The following NTM variants were observed in gnomAD, a reference collection of about 807,000 sequenced individuals.
NTM encodes IgLON family member 2.
A neutral mutation model predicts 42.1 loss-of-function variants in NTM; 13 were observed. The ratio of observed to expected loss-of-function variants is 0.31; its 90% CI spans 0.20 to 0.49. NTM has a LOEUF of 0.49. Ranked by LOEUF, NTM falls within the 20% of genes least tolerant of loss-of-function variation. The pLI is 0.99. For synonymous variants in NTM, 187 were observed against 179.2 expected (o/e 1.04, Z -0.35); for missense variants, 373 against 452.8 (o/e 0.82, Z 1.60).
At chr11:131,437,358 C>T (rs1474627655) in intron 1 of NTM, among the ~76,000 whole-genome samples, 1 of 151,968 alleles carries the variant, frequency 6.6e-6, no homozygotes, top group Non-Finnish European at 1.5e-5. Context: ...TCTGTCTCGT[C>T]GGTCTGTCTA....
intron 1 of NTM, among the ~76,000 whole-genome samples, chr11:131,570,062 C>T (rs769545601): frequency 3.9e-5 from 6 of 152,218 alleles, no homozygotes; most frequent in Admixed American, 3.9e-4. Flanking sequence ...GCATTCTTCC[C>T]AGATATCATT....
chr11:131,487,361 C>T (rs1437245014), intron 1 of NTM, among the ~76,000 whole-genome samples: 1 of 152,110 alleles, frequency 6.6e-6, no homozygotes, highest in South Asian at 2.1e-4. Context: ...CTGGATGCCC[C>T]AAACATAACC....
intron 4 of NTM, among the ~76,000 whole-genome samples, chr11:132,286,524 C>T (rs111464522): frequency 6.6e-6 from 1 of 152,156 alleles, no homozygotes; most frequent in East Asian, 1.9e-4. Context: ...CCGCCCCCCC[C>T]ACCCAAACAC....
chr11:131,511,704 G>A (rs455006), intron 1 of NTM, among the ~76,000 whole-genome samples: 22,883 of 152,152 alleles, frequency 0.15, 1,921 homozygotes, highest in Middle Eastern at 0.22. Context: ...CAATCACACT[G>A]TGGCACCTGG....
At chr11:131,660,084 G>A (rs929684434) in intron 1 of NTM, among the ~76,000 whole-genome samples, 5 of 152,174 alleles carry the variant, frequency 3.3e-5, no homozygotes, top group Admixed American at 2.6e-4. Context: ...GAATCAGTCG[G>A]CCACAAGGAG....
intron 4 of NTM, among the ~76,000 whole-genome samples, chr11:132,223,797 T>C (rs2085640351): frequency 6.6e-6 from 1 of 152,166 alleles, no homozygotes; most frequent in Admixed American, 6.5e-5. Context: ...TAATTAGTGA[T>C]TTCAAAGAAT....
intron 3 of NTM, among the ~76,000 whole-genome samples, chr11:132,196,484 T>A (rs2080233573): frequency 6.6e-6 from 1 of 151,926 alleles, no homozygotes; most frequent in African/African-American, 2.4e-5. Flanking sequence ...AAAAAAAAAA[T>A]ACACTCATAT....
intron 1 of NTM, among the ~76,000 whole-genome samples, chr11:131,495,165 C>T (rs1006959377): frequency 6.6e-6 from 1 of 152,134 alleles, no homozygotes; most frequent in Non-Finnish European, 1.5e-5. Context: ...TCCACTTTCA[C>T]TGTTTTTGGG....
intron 1 of NTM, among the ~76,000 whole-genome samples, chr11:131,862,028 C>T (rs376440666): frequency 6.6e-6 from 1 of 152,086 alleles, no homozygotes; most frequent in Non-Finnish European, 1.5e-5. Flanking sequence ...GTCTCAAGGA[C>T]CACAGTTCAG....
intron 1 of NTM, among the ~76,000 whole-genome samples, chr11:131,555,169 A>G (rs537005262): frequency 3.3e-5 from 5 of 152,170 alleles, no homozygotes; most frequent in Non-Finnish European, 7.3e-5. Context: ...CTCAAAAACA[A>G]AAACCAAAAA....
chr11:131,706,929 G>A (rs1307720223), intron 1 of NTM, among the ~76,000 whole-genome samples: 1 of 151,970 alleles, frequency 6.6e-6, no homozygotes, highest in Admixed American at 6.6e-5. Flanking sequence ...CACATTGTGA[G>A]ATGATTGAAT....
intron 1 of NTM, among the ~76,000 whole-genome samples, chr11:131,563,204 A>G (rs117764882): frequency 0.051 from 7,775 of 152,138 alleles, 267 homozygotes; most frequent in Non-Finnish European, 0.079. Context: ...GAAAGAATCC[A>G]TGCAAGTGCA....
rs549671220 is a variant in NTM, at chr11:131,511,405, C to T, written c.82+140517C>T. 3.1e-4 allele frequency among the ~76,000 whole-genome samples: 47 copies of T among 152,162 alleles called. No homozygotes were observed. The South Asian group carries it at 5.6e-3, about 18-fold the overall frequency. ...CCAGAGACCCTCTGTCTTCGCCTGC[C>T]GCTGGCCAGGGCTCTCATGGGATTC... On this transcript the variant is annotated intron_variant, in intron 1 of 8. Coordinates refer to ENST00000683400, the MANE Select transcript of NTM (RefSeq NM_001352005.2).
At chr11:131,598,867 TCCTTCCTTCTTC>T (rs1247202467) in intron 1 of NTM, among the ~76,000 whole-genome samples, 1 of 70,742 alleles carries the variant, frequency 1.4e-5, no homozygotes, top group Admixed American at 1.6e-4. Context: ...CTTCCTTCCT[TCCTTCCTTCTTC>T]CTTCCTTCCT....
At chr11:131,411,972 C>T (rs1328038782) in intron 1 of NTM, among the ~76,000 whole-genome samples, 1 of 152,156 alleles carries the variant, frequency 6.6e-6, no homozygotes, top group South Asian at 2.1e-4. Flanking sequence ...AGCTGGGCCC[C>T]TCTGTTCTCA....
intron 1 of NTM, among the ~76,000 whole-genome samples, chr11:131,390,457 T>A (rs1223481527): frequency 6.6e-6 from 1 of 152,092 alleles, no homozygotes; most frequent in African/African-American, 2.4e-5. Flanking sequence ...TGGCTACACA[T>A]TGAAGCAAAC....
chr11:131,651,380 G>T (rs2134339827), intron 1 of NTM, among the ~76,000 whole-genome samples: 1 of 152,308 alleles, frequency 6.6e-6, no homozygotes, highest in African/African-American at 2.4e-5. Context: ...GCTACTCATT[G>T]TTATCTGCAT....
intron 2 of NTM, among the ~76,000 whole-genome samples, chr11:131,951,833 A>T (rs545051919): frequency 2.4e-4 from 36 of 151,642 alleles, no homozygotes; most frequent in African/African-American, 8.5e-4. Flanking sequence ...AAAAAAAAAA[A>T]AAAAAAAAAA....
At chr11:131,485,022 G>A (rs1257806378) in intron 1 of NTM, among the ~76,000 whole-genome samples, 2 of 152,222 alleles carry the variant, frequency 1.3e-5, no homozygotes, top group African/African-American at 4.8e-5. Flanking sequence ...GCCTCAGAGA[G>A]TTGTGGAAAG....
Sources: gnomAD v4.1 joint callset for allele counts (sites outside exome capture counted in the v4.1 genomes callset) on GRCh38, gnomAD v4.1.1 for gene constraint, MANE v1.5 for transcripts, NCBI Gene and HGNC (gene_info 2026-07-23, HGNC 2026-07-21) for gene names.